NVL: variants seen among roughly 807,000 people sequenced by gnomAD.
NVL encodes nuclear valosin-containing protein-like.
NVL carries 84 observed loss-of-function variants against 110.2 expected under a neutral mutation model. That is an observed-to-expected ratio of 0.76 (90% CI 0.64 to 0.91). NVL has a LOEUF of 0.91. NVL is among the 40% of genes least tolerant of loss of function. The probability of loss-of-function intolerance (pLI) is 0.00; values close to 1 mark genes in which losing one functional copy is unlikely to be tolerated. For missense variants in NVL, 882 were observed against 1,035.9 expected (o/e 0.85, Z 2.04); for synonymous variants, 354 against 361.1 (o/e 0.98, Z 0.22).
intron 22 of NVL, among the ~76,000 whole-genome samples, chr1:224,228,716 G>C (rs1659486375): frequency 1.4e-5 from 2 of 146,400 alleles, no homozygotes; most frequent in South Asian, 4.5e-4. Flanking sequence ...GAGATGGGTG[G>C]ATCACGAGGT....
chr1:224,248,717 G>C (rs1045935021), intron 19 of NVL, among the ~76,000 whole-genome samples: 7 of 152,206 alleles, frequency 4.6e-5, no homozygotes, highest in African/African-American at 1.7e-4. Flanking sequence ...TTCCTGGGAA[G>C]GAGTATTGAA....
intron 2 of NVL, among the ~76,000 whole-genome samples, chr1:224,320,974 T>C (rs2102783575): frequency 6.6e-6 from 1 of 152,284 alleles, no homozygotes; most frequent in South Asian, 2.1e-4. Context: ...ACTTGGGGCC[T>C]GGCACGGTGG....
At chr1:224,310,036 A>G (rs1368465912) in intron 5 of NVL, among the ~76,000 whole-genome samples, 1 of 152,066 alleles carries the variant, frequency 6.6e-6, no homozygotes, top group African/African-American at 2.4e-5. Flanking sequence ...CTGTAATTCC[A>G]GCTCCTCAGG....
At chr1:224,276,797 C>T (rs1665802535) in intron 16 of NVL, among the ~76,000 whole-genome samples, 1 of 152,002 alleles carries the variant, frequency 6.6e-6, no homozygotes, top group South Asian at 2.1e-4. Flanking sequence ...TCATTCTTCC[C>T]ATAATAGTTA....
chr1:224,330,161 C>G lies in NVL; in HGVS notation c.-34G>C, dbSNP rs774958777. The G allele has an allele frequency of 2.8e-5, 45 of 1,612,010 alleles. No homozygotes were observed. The highest frequency in any genetic ancestry group is 3.6e-5 in the Non-Finnish European group (42 of 1,178,288). On this transcript the variant is annotated 5_prime_UTR_variant, in exon 1 of 23. Transcript: ENST00000281701. ...TCTTCCAAGCCACAGCTCGGACCGC[C>G]AGCTCCTAGTCAACCGGGGGCCTCG...
At chr1:224,231,903 C>CT (rs1659924166) in intron 21 of NVL, among the ~76,000 whole-genome samples, 1 of 151,928 alleles carries the variant, frequency 6.6e-6, no homozygotes, top group Non-Finnish European at 1.5e-5. Context: ...TGGCACACGC[C>CT]TGTAGTCCCA....
Position 224,330,072 on chromosome 1 carries a change from T to C in NVL, c.56A>G (p.Gln19Arg), listed in dbSNP as rs757418898. Reference sequence around the variant, plus strand: ...GGCCAAGCGGTGCAGAATACACACCTGGATGACTCGCTGCTTGAGTTTATT... The same window carrying C: ...GGCCAAGCGGTGCAGAATACACACCCGGATGACTCGCTGCTTGAGTTTATT... ...VDNKLKQRVI[Q>R]YLTSNKCGKY... The change falls in exon 1 of 23, where the codon CAG (glutamine) becomes CGG (arginine). Residue 19 changes from glutamine to arginine, a missense_variant and splice_region_variant. This residue lies in a region of NVL where 274 missense variants were observed against 268.4 expected (regional missense o/e 1.02). Coordinates refer to ENST00000281701, the MANE Select transcript of NVL (RefSeq NM_002533.4). The C allele has an allele frequency of 8.1e-6, 13 of 1,613,964 alleles. No individual in the cohort carries two copies. The highest frequency in any genetic ancestry group is 8.5e-6 in the Non-Finnish European group (10 of 1,179,974).
At chr1:224,268,648 TTTTG>T (rs145568693) in intron 17 of NVL, among the ~76,000 whole-genome samples, 43,908 of 150,868 alleles carry the variant, frequency 0.29, 7,303 homozygotes, top group Middle Eastern at 0.39. Context: ...GACTAAGCTT[TTTTG>T]TTTGTTTGTT....
At chr1:224,256,016 C>T (rs1213821619) in intron 18 of NVL, among the ~76,000 whole-genome samples, 1 of 152,210 alleles carries the variant, frequency 6.6e-6, no homozygotes, top group African/African-American at 2.4e-5. Context: ...TTTTTAAATA[C>T]ATCAACTATC....
intron 22 of NVL, among the ~76,000 whole-genome samples, chr1:224,228,512 C>T: frequency 6.6e-6 from 1 of 150,926 alleles, no homozygotes; most frequent in Non-Finnish European, 1.5e-5. Context: ...ACCATGTTGG[C>T]CAGGATGGTC....
intron 11 of NVL, 116 bp from the exon 12 acceptor site, chr1:224,294,527 C>T: frequency 3.2e-6 from 3 of 936,124 alleles, no homozygotes; most frequent in South Asian, 1.6e-5. Context: ...CAGCAACATA[C>T]ATATAAAACC....
intron 20 of NVL, among the ~76,000 whole-genome samples, chr1:224,235,202 C>G (rs1558232778): frequency 6.6e-6 from 1 of 152,062 alleles, no homozygotes; most frequent in Admixed American, 6.6e-5. Flanking sequence ...GAGTGTCGCT[C>G]TGTTGCCCAG....
chr1:224,318,366 G>A (rs1670295949), intron 2 of NVL, among the ~76,000 whole-genome samples: 3 of 152,266 alleles, frequency 2.0e-5, no homozygotes, highest in Admixed American at 2.0e-4. Flanking sequence ...ACTTTGGGAG[G>A]CTGAGGTGGG....
At chr1:224,315,830 G>A (rs1448113620) in intron 4 of NVL, among the ~76,000 whole-genome samples, 10 of 152,174 alleles carry the variant, frequency 6.6e-5, no homozygotes, top group South Asian at 6.2e-4. Flanking sequence ...AGAATTTTAT[G>A]AGCATAAATG....
rs1332471342 is a variant in NVL, at chr1:224,296,508, G to A, written c.1173C>T (p.Cys391=). ...ERRIVAQLLT[C]MDDLNNVAAT... ...TTATTATTTTAAACTAACCATCCAT[G>A]CAGGTTAGGAGTTGGGCTACAATTC... Residue 391 remains cysteine, a synonymous_variant, in exon 11 of 23, where the codon TGC becomes TGT. Transcript: ENST00000281701. 3.2e-6 allele frequency: 5 copies of A among 1,547,868 alleles called. No individual in the cohort carries two copies. Among genetic ancestry groups the A allele is most frequent in the Non-Finnish European group, 4.4e-6 (5 of 1,138,254 alleles).
rs1365572515 is a variant in NVL, at chr1:224,330,152, T to C, written c.-25A>G. 3 of 1,613,360 alleles carry C rather than the reference T, an allele frequency of 1.9e-6. No individual in the cohort carries two copies. The highest frequency in any genetic ancestry group is 2.5e-6 in the Non-Finnish European group (3 of 1,179,422). On this transcript the variant is annotated 5_prime_UTR_variant, in exon 1 of 23. Coordinates refer to ENST00000281701, the MANE Select transcript of NVL (RefSeq NM_002533.4). ...TCGCGTCGGTCTTCCAAGCCACAGCTCGGACCGCCAGCTCCTAGTCAACCG... is the reference window on the plus strand; with the variant it reads ...TCGCGTCGGTCTTCCAAGCCACAGCCCGGACCGCCAGCTCCTAGTCAACCG...
chr1:224,279,851 T>C (rs1033085067), intron 16 of NVL, among the ~76,000 whole-genome samples: 3 of 152,134 alleles, frequency 2.0e-5, no homozygotes, highest in African/African-American at 2.4e-5. Flanking sequence ...TGAAAAAAAT[T>C]ACATTAAAAA....
intron 6 of NVL, among the ~76,000 whole-genome samples, chr1:224,307,698 CAAAAAAAAAAAAA>C (rs11366790): frequency 1.5e-5 from 1 of 67,492 alleles, no homozygotes; most frequent in African/African-American, 5.1e-5. Flanking sequence ...GACCCAGTCT[CAAAAAAAAAAAAA>C]AAAAAAAAAA....
intron 19 of NVL, among the ~76,000 whole-genome samples, chr1:224,237,822 C>T (rs945553933): frequency 2.8e-5 from 4 of 145,392 alleles, no homozygotes; most frequent in South Asian, 4.4e-4. Flanking sequence ...GATGGGGTGG[C>T]GTGTGCCTGT....
Sources: allele counts gnomAD v4.1 joint callset (sites outside exome capture counted in the v4.1 genomes callset), GRCh38; gene constraint gnomAD v4.1.1; regional missense constraint gnomAD v4.1.1; transcripts MANE v1.5; gene names NCBI Gene and HGNC (gene_info 2026-07-23, HGNC 2026-07-21).